LYPD6B: variants seen among roughly 807,000 people sequenced by gnomAD.
The protein encoded by LYPD6B is ly6/PLAUR domain-containing protein 6B.
A neutral mutation model predicts 22.8 loss-of-function variants in LYPD6B; 17 were observed. The ratio of observed to expected loss-of-function variants is 0.75; its 90% CI spans 0.51 to 1.12. LYPD6B has a LOEUF of 1.12. Ranked by LOEUF, LYPD6B falls within the 50% of genes most tolerant of loss-of-function variation. LYPD6B has a pLI of 0.00. For missense variants in LYPD6B, 221 were observed against 258.3 expected, an observed-to-expected ratio of 0.86 and a Z score of 0.99; for synonymous variants, 106 against 91.6, an observed-to-expected ratio of 1.16 and a Z score of -0.90.
intron 1 of LYPD6B, among the ~76,000 whole-genome samples, chr2:149,113,936 G>T (rs1448047963): frequency 6.6e-6 from 1 of 152,150 alleles, no homozygotes; most frequent in Non-Finnish European, 1.5e-5. Context: ...GAAAACGCTT[G>T]TCCATTTCTA....
chr2:149,106,922 C>T (rs1248646020), intron 1 of LYPD6B, among the ~76,000 whole-genome samples: 1 of 151,952 alleles, frequency 6.6e-6, no homozygotes, highest in African/African-American at 2.4e-5. Context: ...AGCAGTCCCC[C>T]CTTATCTGCA....
In LYPD6B at chr2:149,156,377, T is replaced by C. The variant is rs79636622; in HGVS notation, c.6-4387T>C. On this transcript the variant is annotated intron_variant, in intron 2 of 6. Transcript: ENST00000409642. The stretch of plus-strand genomic sequence containing the variant: ...GTGTCCCCGTGACCTTTCCAGACTT[T>C]TCCCTGGGAATCCTGGCAATCCTGG... Among the ~76,000 whole-genome samples, 937 of 152,278 alleles carry C rather than the reference T, an allele frequency of 6.2e-3. 11 individuals carry two copies. Among genetic ancestry groups the C allele is most frequent in the African/African-American group, 0.022 (901 of 41,562 alleles).
chr2:149,214,587 A>G lies in LYPD6B; in HGVS notation c.501A>G (p.Glu167=). The G allele has an allele frequency of 4.3e-6, 7 of 1,613,936 alleles. No homozygotes were observed. Among genetic ancestry groups the G allele is most frequent in the Non-Finnish European group, 5.9e-6 (7 of 1,179,866 alleles). The part of the protein sequence containing the change: ...SCCEGMICNV[E]LPTNHTNAVF... ...GTGAAGGAATGATCTGCAATGTAGA[A>G]TTACCCACCAATCACACTAATGCAG... The change falls in exon 7 of 7, where the codon GAA becomes GAG. Residue 167 remains glutamate, a synonymous_variant. Transcript: ENST00000409642.
chr2:149,120,383 ATTTTTT>A (rs869074241), intron 1 of LYPD6B, among the ~76,000 whole-genome samples: 20 of 48,610 alleles, frequency 4.1e-4, no homozygotes, highest in Admixed American at 7.3e-4. Flanking sequence ...ATATATATAT[ATTTTTT>A]TTTTTTTTTT....
In LYPD6B at chr2:149,214,870, C is replaced by T. The variant is rs1043486474; in HGVS notation, c.*160C>T. ...GTGGTTTGCTTGGATAAAATGTTCC[C>T]GCATGAGGCCACAGGACTGAGGATG... is the stretch of plus-strand genomic sequence containing the variant. On this transcript the variant is annotated 3_prime_UTR_variant, in exon 7 of 7. Coordinates refer to ENST00000409642, the MANE Select transcript of LYPD6B (RefSeq NM_177964.5). The T allele has an allele frequency of 1.2e-5, 9 of 746,586 alleles. No homozygotes were observed. The highest frequency in any genetic ancestry group is 8.7e-5 in the African/African-American group (5 of 57,694). The allele number at this position is 746,586 out of a possible 1,614,324, so 46.2% of individuals were successfully genotyped here.
chr2:149,052,508 C>T (rs1384154572), intron 1 of LYPD6B, among the ~76,000 whole-genome samples: 1 of 152,222 alleles, frequency 6.6e-6, no homozygotes, highest in African/African-American at 2.4e-5. Flanking sequence ...CTATCAAAGG[C>T]ATGCAACAAC....
At position 149,065,043 on chromosome 2, in the gene LYPD6B, G is replaced by A. The variant is rs76971313; in HGVS notation, c.-67+26242G>A. ...TCCCAGAGGACTGCGATGTGTCTGA[G>A]GAGTGCATGGTTGGGAGTAAAAGGG... is the stretch of plus-strand genomic sequence containing the variant. On this transcript the variant is annotated intron_variant, in intron 1 of 6. Transcript: ENST00000409642. Among the ~76,000 whole-genome samples the A allele has an allele frequency of 4.6e-3, 707 of 152,270 alleles. 2 individuals carry two copies. Among genetic ancestry groups the A allele is most frequent in the African/African-American group, 0.015 (626 of 41,550 alleles).
intron 1 of LYPD6B, among the ~76,000 whole-genome samples, chr2:149,065,031 C>T (rs192062223): frequency 1.3e-5 from 2 of 152,124 alleles, no homozygotes; most frequent in African/African-American, 4.8e-5. Flanking sequence ...CAGAGGACTG[C>T]GATGTGTCTG....
intron 1 of LYPD6B, among the ~76,000 whole-genome samples, chr2:149,040,507 T>C (rs1388266290): frequency 6.6e-6 from 1 of 151,966 alleles, no homozygotes; most frequent in Non-Finnish European, 1.5e-5. Flanking sequence ...ATTATAGGAG[T>C]GAGCCACTGC....
rs546701389 is a variant in LYPD6B at position 149,086,632 on chromosome 2, C to T, written c.-66-44251C>T. ...TATTGGAAGAACAAAGACAGCTTCC[C>T]TTTTTTCTATGGGGAGGTGTATTAG... On this transcript the variant is annotated intron_variant, in intron 1 of 6. Coordinates refer to ENST00000409642, the MANE Select transcript of LYPD6B (RefSeq NM_177964.5). Among the ~76,000 whole-genome samples, 300 of 152,250 alleles carry T rather than the reference C, an allele frequency of 2.0e-3. 2 individuals carry two copies. Among genetic ancestry groups the T allele is most frequent in the South Asian group, 9.3e-3 (45 of 4,822 alleles).
intron 2 of LYPD6B, among the ~76,000 whole-genome samples, chr2:149,147,501 T>G (rs980035297): frequency 6.6e-6 from 1 of 152,074 alleles, no homozygotes; most frequent in Non-Finnish European, 1.5e-5. Flanking sequence ...GTTTGTTTTT[T>G]TGTTTTTTGT....
At position 149,175,061 on chromosome 2, in the gene LYPD6B, C is replaced by CTCTCTCTCTGTG. The variant is rs1454802925; in HGVS notation, c.77+14227_77+14228insCTCTCTCTGTGT. On this transcript the variant is annotated intron_variant, in intron 3 of 6. Transcript: ENST00000409642. ...TCTCTCTCTCTCTCTCTCTCTCTCT[C>CTCTCTCTCTGTG]TGTGTGTGTGTGTGTGTGTGTGTGT... 5.5e-3 allele frequency among the ~76,000 whole-genome samples: 626 copies of CTCTCTCTCTGTG among 112,942 alleles called. 6 individuals carry two copies. Among genetic ancestry groups the CTCTCTCTCTGTG allele is most frequent in the East Asian group, 0.021 (71 of 3,440 alleles). 74.1% of individuals were successfully genotyped at this position (112,942 alleles called of 152,430 possible). A position where few individuals can be genotyped will look rare whatever the true frequency, so the allele number is the denominator to read the frequency against.
chr2:149,099,726 A>G (rs902941505), intron 1 of LYPD6B, among the ~76,000 whole-genome samples: 9 of 152,190 alleles, frequency 5.9e-5, no homozygotes, highest in Admixed American at 2.0e-4. Context: ...ATTCATGCAT[A>G]CAAGTTTTAA....
intron 2 of LYPD6B, among the ~76,000 whole-genome samples, chr2:149,139,732 A>C (rs1688575335): frequency 6.6e-6 from 1 of 152,230 alleles, no homozygotes; most frequent in South Asian, 2.1e-4. Flanking sequence ...GCCATGAAAT[A>C]AATTGGATGA....
chr2:149,082,052 A>G (rs1685160420), intron 1 of LYPD6B, among the ~76,000 whole-genome samples: 1 of 152,168 alleles, frequency 6.6e-6, no homozygotes, highest in Non-Finnish European at 1.5e-5. Flanking sequence ...TTTTTTACAC[A>G]TGTTCATGTT....
chr2:149,203,014 A>G (rs1693268568), intron 3 of LYPD6B, among the ~76,000 whole-genome samples: 1 of 152,206 alleles, frequency 6.6e-6, no homozygotes, highest in South Asian at 2.1e-4. Context: ...ATTTGAGCCA[A>G]TGCTCTTTAC....
intron 1 of LYPD6B, among the ~76,000 whole-genome samples, chr2:149,127,968 A>C (rs1006445360): frequency 1.3e-5 from 2 of 151,654 alleles, no homozygotes; most frequent in Admixed American, 6.6e-5. Flanking sequence ...TGTCTTCAAA[A>C]TATAGTACTG....
intron 2 of LYPD6B, among the ~76,000 whole-genome samples, chr2:149,135,574 G>T (rs1458946813): frequency 6.6e-6 from 1 of 151,818 alleles, no homozygotes; most frequent in East Asian, 2.0e-4. Context: ...ACAAAAATAA[G>T]CCAGGGGTGG....
rs1683293268 is a variant in LYPD6B at position 149,046,096 on chromosome 2, G to A, written c.-67+7295G>A. Among the ~76,000 whole-genome samples, 6 of 152,230 alleles carry A rather than the reference G, an allele frequency of 3.9e-5. No individual in the cohort carries two copies. In the South Asian group the frequency reaches 1.2e-3, roughly 32 times the overall value. ...GTTAAGTGCATACACATTTAGGGTT[G>A]TGATGTCCTCTTGGAGAACATCTTG... On this transcript the variant is annotated intron_variant, in intron 1 of 6. Transcript: ENST00000409642.
Sources: allele counts gnomAD v4.1 joint callset (sites outside exome capture counted in the v4.1 genomes callset), GRCh38; gene constraint gnomAD v4.1.1; transcripts MANE v1.5; gene names NCBI Gene and HGNC (gene_info 2026-07-23, HGNC 2026-07-21).